NEK7: variants seen among roughly 807,000 people sequenced by gnomAD.
The protein encoded by NEK7 is serine/threonine-protein kinase Nek7.
Under a neutral mutation model 44.6 loss-of-function variants are expected in NEK7, and 18 were observed. The ratio of observed to expected loss-of-function variants is 0.40; its 90% CI spans 0.28 to 0.60. The LOEUF is 0.60. Among genes scored for constraint, NEK7 ranks in the 20% least tolerant of loss-of-function variants. The probability of loss-of-function intolerance (pLI) is 0.38; values close to 1 mark genes in which losing one functional copy is unlikely to be tolerated. For missense variants in NEK7, 256 were observed against 366.5 expected, an observed-to-expected ratio of 0.70 and a Z score of 2.46; for synonymous variants, 130 against 121.1, an observed-to-expected ratio of 1.07 and a Z score of -0.48.
intron 9 of NEK7, among the ~76,000 whole-genome samples, chr1:198,309,338 G>A (rs937788640): frequency 2.6e-5 from 4 of 152,050 alleles, no homozygotes; most frequent in Non-Finnish European, 5.9e-5. Flanking sequence ...GGTGGGGTGG[G>A]GGAAGGGAGA....
At chr1:198,190,832 ATCT>A (rs1665052810) in intron 1 of NEK7, among the ~76,000 whole-genome samples, 1 of 152,030 alleles carries the variant, frequency 6.6e-6, no homozygotes, top group Non-Finnish European at 1.5e-5. Context: ...ATTTGTTATA[ATCT>A]TCTTAGAATC....
At chr1:198,305,799 A>G (rs974041449) in intron 9 of NEK7, among the ~76,000 whole-genome samples, 2 of 152,176 alleles carry the variant, frequency 1.3e-5, no homozygotes, top group African/African-American at 4.8e-5. Flanking sequence ...TGGCCTATGA[A>G]ATGTGAAGGC....
At chr1:198,295,636 T>TA (rs61192166) in intron 8 of NEK7, among the ~76,000 whole-genome samples, 9 of 151,668 alleles carry the variant, frequency 5.9e-5, no homozygotes, top group African/African-American at 1.9e-4. Context: ...TTTTTTTTTT[T>TA]AACACTCTGC....
intron 9 of NEK7, among the ~76,000 whole-genome samples, chr1:198,305,695 A>T (rs1325294704): frequency 1.3e-5 from 2 of 152,192 alleles, no homozygotes; most frequent in Non-Finnish European, 2.9e-5. Flanking sequence ...GTCATCATTT[A>T]AATATATCCC....
intron 5 of NEK7, among the ~76,000 whole-genome samples, chr1:198,267,791 C>T (rs1038855717): frequency 4.6e-5 from 7 of 151,934 alleles, no homozygotes; most frequent in Admixed American, 3.9e-4. Context: ...CCTCTTAAGT[C>T]CTACCACCCT....
At chr1:198,248,014 T>C (rs372354905) in intron 2 of NEK7, among the ~76,000 whole-genome samples, 14 of 152,162 alleles carry the variant, frequency 9.2e-5, no homozygotes, top group African/African-American at 3.4e-4. Flanking sequence ...TCAGTTTCAT[T>C]AGAGGGTGCA....
chr1:198,173,158 G>C (rs920029353), intron 1 of NEK7, among the ~76,000 whole-genome samples: 2 of 152,128 alleles, frequency 1.3e-5, no homozygotes, highest in Non-Finnish European at 2.9e-5. Flanking sequence ...TTCGGATGTG[G>C]TGGCTCATGT....
At chr1:198,159,554 A>G (rs1017643909) in intron 1 of NEK7, among the ~76,000 whole-genome samples, 1 of 152,236 alleles carries the variant, frequency 6.6e-6, no homozygotes, top group African/African-American at 2.4e-5. Flanking sequence ...ACTTCTTGGG[A>G]ATCTTTCCAT....
At chr1:198,265,503 G>C (rs1410667732) in intron 5 of NEK7, among the ~76,000 whole-genome samples, 1 of 152,090 alleles carries the variant, frequency 6.6e-6, no homozygotes, top group Non-Finnish European at 1.5e-5. Flanking sequence ...CTGATGGGAG[G>C]CTGCTGACAT....
chr1:198,264,167 A>T lies in NEK7; in HGVS notation c.304A>T (p.Ile102Phe). 1 of 1,605,816 alleles carries T rather than the reference A, an allele frequency of 6.2e-7. No homozygotes were observed. Among genetic ancestry groups the T allele is most frequent in the South Asian group, 1.1e-5 (1 of 89,294 alleles). ...TGTAATAAAATATTATGCATCATTCATTGAAGATAATGAACTAAACATAGT... is the reference window on the plus strand; with the variant it reads ...TGTAATAAAATATTATGCATCATTCTTTGAAGATAATGAACTAAACATAGT... ...PNVIKYYASFIEDNELNIVLE... is the reference protein window; with the variant it reads ...PNVIKYYASFFEDNELNIVLE... Residue 102 changes from isoleucine (I) to phenylalanine (F), a missense_variant, in exon 5 of 10, where the codon ATT (isoleucine) becomes TTT (phenylalanine). This residue lies in a region of NEK7 where 102 missense variants were observed against 205.2 expected (regional missense o/e 0.50). Transcript: ENST00000367385.
At position 198,250,042 on chromosome 1, in the gene NEK7, G is replaced by T. The variant is rs1011692814; in HGVS notation, c.58-2998G>T. Among the ~76,000 whole-genome samples the T allele has an allele frequency of 2.1e-5, 3 of 144,398 alleles. No homozygotes were observed. The Admixed American group carries it at 2.1e-4, about 10-fold the overall frequency. The allele number at this position is 144,398 out of a possible 152,430, so 94.7% of individuals were successfully genotyped here. ...AACGTTTAAGTCTTTAATCCATCTT[G>T]AATTGATTTTTGTATAAGGTGTAAG... On this transcript the variant is annotated intron_variant, in intron 2 of 9. Coordinates refer to ENST00000367385, the MANE Select transcript of NEK7 (RefSeq NM_133494.3).
intron 9 of NEK7, among the ~76,000 whole-genome samples, chr1:198,315,300 A>G (rs1396983165): frequency 2.6e-5 from 4 of 152,104 alleles, no homozygotes; most frequent in Non-Finnish European, 4.4e-5. Flanking sequence ...CGGCTCGCGC[A>G]TGGTGCGCGC....
intron 1 of NEK7, among the ~76,000 whole-genome samples, chr1:198,181,582 C>T (rs1456991977): frequency 2.6e-5 from 4 of 152,086 alleles, no homozygotes; most frequent in African/African-American, 9.7e-5. Context: ...TGGGTTAAGA[C>T]TTTTATCCTC....
intron 3 of NEK7, among the ~76,000 whole-genome samples, chr1:198,260,944 A>G (rs573577268): frequency 1.3e-5 from 2 of 152,180 alleles, no homozygotes; most frequent in East Asian, 3.9e-4. Flanking sequence ...AATCTTATCT[A>G]ATATCTTCAT....
intron 1 of NEK7, among the ~76,000 whole-genome samples, chr1:198,189,197 C>A (rs1278918732): frequency 6.6e-6 from 1 of 151,952 alleles, no homozygotes; most frequent in Non-Finnish European, 1.5e-5. Context: ...GTATTAGTGT[C>A]ATATAGGAAA....
intron 7 of NEK7, among the ~76,000 whole-genome samples, chr1:198,286,784 G>A (rs1028832298): frequency 2.0e-5 from 3 of 152,110 alleles, no homozygotes; most frequent in African/African-American, 4.8e-5. Context: ...TAGGACTGAC[G>A]TTCTTGTTTC....
chr1:198,165,554 TGA>T (rs1307565453), intron 1 of NEK7, among the ~76,000 whole-genome samples: 1 of 152,214 alleles, frequency 6.6e-6, no homozygotes, highest in Non-Finnish European at 1.5e-5. Flanking sequence ...AATCTTTTTC[TGA>T]GCAGTCGGTC....
chr1:198,223,193 C>G (rs1307752644), intron 1 of NEK7, among the ~76,000 whole-genome samples: 1 of 152,004 alleles, frequency 6.6e-6, no homozygotes, highest in Admixed American at 6.6e-5. Flanking sequence ...TTTATGTTTT[C>G]AAAATATCAC....
At chr1:198,224,661 T>C (rs1666160246) in intron 1 of NEK7, among the ~76,000 whole-genome samples, 1 of 151,984 alleles carries the variant, frequency 6.6e-6, no homozygotes, top group Admixed American at 6.6e-5. Context: ...TATATATATA[T>C]ATAAAATGGG....
Sources: gnomAD v4.1 joint callset for allele counts (sites outside exome capture counted in the v4.1 genomes callset) on GRCh38, gnomAD v4.1.1 for gene constraint, gnomAD v4.1.1 regional missense constraint, MANE v1.5 for transcripts, NCBI Gene and HGNC (gene_info 2026-07-23, HGNC 2026-07-21) for gene names.